The following VAV3 variants were observed in gnomAD, a reference collection of about 807,000 sequenced individuals.
VAV3 encodes vav guanine nucleotide exchange factor 3.
Under a neutral mutation model 131.2 loss-of-function variants are expected in VAV3, and 94 were observed. The ratio of observed to expected loss-of-function variants is 0.72; its 90% CI spans 0.61 to 0.85. The LOEUF (loss-of-function observed/expected upper bound fraction) is 0.85. VAV3 is among the 40% of genes least tolerant of loss of function. VAV3 has a pLI of 0.00. For synonymous variants in VAV3, 349 were observed against 342.0 expected, an observed-to-expected ratio of 1.02 and a Z score of -0.22; for missense variants, 939 against 1,002.7, an observed-to-expected ratio of 0.94 and a Z score of 0.86.
intron 15 of VAV3, among the ~76,000 whole-genome samples, chr1:107,733,567 C>T (rs1662395718): frequency 6.6e-6 from 1 of 152,086 alleles, no homozygotes; most frequent in African/African-American, 2.4e-5. Flanking sequence ...GAGCTGAAAA[C>T]CATGGCATGA....
chr1:107,584,482 G>T (rs1345082524), intron 25 of VAV3, among the ~76,000 whole-genome samples: 1 of 152,084 alleles, frequency 6.6e-6, no homozygotes, highest in East Asian at 1.9e-4. Flanking sequence ...CCCACAAAAT[G>T]GGAGAAAATT....
In VAV3 at chr1:107,571,320, T is replaced by C. The variant is rs1284743336; in HGVS notation, c.*2011A>G. On this transcript the variant is annotated 3_prime_UTR_variant, in exon 27 of 27. Transcript: ENST00000370056. ...TTGGTATTAGAACTCTACACAAATCTGCAGCATTTAAATTTTCCAAAACAA... is the reference window on the plus strand; with the variant it reads ...TTGGTATTAGAACTCTACACAAATCCGCAGCATTTAAATTTTCCAAAACAA... 1.3e-5 allele frequency: 2 copies of C among 152,628 alleles called. No individual in the cohort carries two copies. The highest frequency in any genetic ancestry group is 4.8e-5 in the African/African-American group (2 of 41,450). The allele number at this position is 152,628 out of a possible 1,614,324, so 9.5% of individuals were successfully genotyped here.
chr1:107,889,214 C>T (rs1671200723), intron 1 of VAV3, among the ~76,000 whole-genome samples: 1 of 149,088 alleles, frequency 6.7e-6, no homozygotes, highest in Non-Finnish European at 1.5e-5. Flanking sequence ...ATAACAATGC[C>T]CAAAAACCTC....
chr1:107,650,847 G>C (rs1302457871), intron 19 of VAV3, among the ~76,000 whole-genome samples: 1 of 151,736 alleles, frequency 6.6e-6, no homozygotes. Flanking sequence ...TACTGAGAAT[G>C]ATGATTTCCA....
intron 2 of VAV3, among the ~76,000 whole-genome samples, chr1:107,786,670 C>T (rs1421773702): frequency 1.3e-5 from 2 of 152,148 alleles, no homozygotes; most frequent in Non-Finnish European, 2.9e-5. Context: ...CTTCAGAAAA[C>T]AAAATGTGAG....
intron 2 of VAV3, among the ~76,000 whole-genome samples, chr1:107,854,416 C>T (rs1162916463): frequency 6.6e-6 from 1 of 152,192 alleles, no homozygotes; most frequent in African/African-American, 2.4e-5. Flanking sequence ...TGAAGATCTT[C>T]ACCTTAAAAT....
chr1:107,597,980 C>T (rs1326433897), intron 24 of VAV3, among the ~76,000 whole-genome samples: 1 of 152,136 alleles, frequency 6.6e-6, no homozygotes, highest in African/African-American at 2.4e-5. Context: ...TAGGCAAAGT[C>T]ACATAGCTAG....
At chr1:107,593,835 AG>A (rs1432476206) in intron 25 of VAV3, among the ~76,000 whole-genome samples, 1 of 152,136 alleles carries the variant, frequency 6.6e-6, no homozygotes, top group Admixed American at 6.6e-5. Context: ...TTCAAGCCTT[AG>A]AAATATAGGA....
intron 15 of VAV3, among the ~76,000 whole-genome samples, chr1:107,719,069 A>C (rs1388311650): frequency 6.6e-6 from 1 of 152,248 alleles, no homozygotes; most frequent in Non-Finnish European, 1.5e-5. Context: ...AGATGGATTA[A>C]AGACTTAAAT....
At chr1:107,727,332 G>A (rs1036695660) in intron 15 of VAV3, among the ~76,000 whole-genome samples, 1 of 152,162 alleles carries the variant, frequency 6.6e-6, no homozygotes, top group African/African-American at 2.4e-5. Context: ...CTGTTTTTAA[G>A]ATGATGAATA....
chr1:107,598,525 C>T (rs1424564614), intron 24 of VAV3, among the ~76,000 whole-genome samples: 1 of 152,116 alleles, frequency 6.6e-6, no homozygotes, highest in Non-Finnish European at 1.5e-5. Flanking sequence ...ATATGTATTT[C>T]TTCCTTTCTT....
chr1:107,702,026 C>A (rs1362323027), intron 17 of VAV3, among the ~76,000 whole-genome samples: 1 of 152,160 alleles, frequency 6.6e-6, no homozygotes. Flanking sequence ...TATAGCAGTG[C>A]CCCCCACTCT....
intron 15 of VAV3, among the ~76,000 whole-genome samples, chr1:107,723,070 T>C (rs1432705729): frequency 1.3e-5 from 2 of 152,162 alleles, no homozygotes; most frequent in African/African-American, 4.8e-5. Context: ...GTGTAATTAT[T>C]TGTAAACTTT....
intron 15 of VAV3, among the ~76,000 whole-genome samples, chr1:107,711,376 T>C (rs1459911328): frequency 6.6e-6 from 1 of 152,224 alleles, no homozygotes; most frequent in Non-Finnish European, 1.5e-5. Flanking sequence ...TCAGCCACAA[T>C]ATTTTTAAAA....
intron 20 of VAV3, among the ~76,000 whole-genome samples, chr1:107,621,554 T>A (rs990932280): frequency 5.3e-5 from 8 of 152,098 alleles, no homozygotes; most frequent in African/African-American, 1.9e-4. Context: ...TAGACCAACC[T>A]CAAATCCAAT....
rs577814216 is a variant in VAV3 at position 107,850,145 on chromosome 1, A to C, written c.321+24756T>G. 9.9e-5 allele frequency among the ~76,000 whole-genome samples: 15 copies of C among 152,276 alleles called. No homozygotes were observed. In the South Asian group the frequency reaches 2.7e-3, roughly 27 times the overall value. On this transcript the variant is annotated intron_variant, in intron 2 of 26. Transcript: ENST00000370056. ...TGGGAGTGTAAATTAGGTTCAACTA[A>C]TGTGGAAGACAGTGTGGCAATTCCT...
intron 1 of VAV3, among the ~76,000 whole-genome samples, chr1:107,942,480 G>A (rs534374034): frequency 5.9e-5 from 9 of 152,238 alleles, no homozygotes; most frequent in Admixed American, 3.9e-4. Context: ...TTCAGATCTT[G>A]TCTCACTTCT....
At chr1:107,749,440 T>C (rs1475500910) in intron 14 of VAV3, 22 bp downstream of exon 14, 2 of 1,582,864 alleles carry the variant, frequency 1.3e-6, no homozygotes, top group East Asian at 2.3e-5. Context: ...TAAATTACAG[T>C]TATTAGTTTC....
At chr1:107,896,346 A>G (rs1472373740) in intron 1 of VAV3, among the ~76,000 whole-genome samples, 1 of 151,842 alleles carries the variant, frequency 6.6e-6, no homozygotes, top group East Asian at 1.9e-4. Flanking sequence ...AGAGCTATCA[A>G]TCTTCCAATC....
Sources: allele counts gnomAD v4.1 joint callset (sites outside exome capture counted in the v4.1 genomes callset), GRCh38; gene constraint gnomAD v4.1.1; transcripts MANE v1.5; gene names NCBI Gene and HGNC (gene_info 2026-07-23, HGNC 2026-07-21).